The following WWOX variants were observed in gnomAD, a reference collection of about 807,000 sequenced individuals.
WWOX encodes the protein WW domain containing oxidoreductase.
Under a neutral mutation model 46.2 loss-of-function variants are expected in WWOX, and 69 were observed. The ratio of observed to expected loss-of-function variants is 1.49; its 90% CI spans 1.23 to 1.82. WWOX has a LOEUF of 1.82. Among genes scored for constraint, WWOX ranks in the 40% most tolerant of loss-of-function variants. WWOX has a pLI of 0.00. For synonymous variants in WWOX, 359 were observed against 202.6 expected (o/e 1.77, Z -6.56); for missense variants, 919 against 542.6 (o/e 1.69, Z -6.89).
At chr16:78,597,115 G>A (rs910597875) in intron 8 of WWOX, among the ~76,000 whole-genome samples, 2 of 152,156 alleles carry the variant, frequency 1.3e-5, no homozygotes, top group Non-Finnish European at 2.9e-5. Flanking sequence ...TGTGAAAACT[G>A]CTCCTGACCT....
chr16:78,954,591 G>T (rs541512991), intron 8 of WWOX, among the ~76,000 whole-genome samples: 3 of 152,256 alleles, frequency 2.0e-5, no homozygotes, highest in African/African-American at 7.2e-5. Flanking sequence ...AGTGCCAGGG[G>T]CTGGAAACAG....
intron 8 of WWOX, among the ~76,000 whole-genome samples, chr16:78,618,861 C>T (rs570125312): frequency 2.4e-3 from 361 of 151,654 alleles, no homozygotes; most frequent in Non-Finnish European, 4.1e-3. Context: ...AGGCTATACG[C>T]GGACACCTTG....
chr16:78,787,693 T>A (rs185140125), intron 8 of WWOX, among the ~76,000 whole-genome samples: 33 of 152,214 alleles, frequency 2.2e-4, no homozygotes, highest in Admixed American at 5.2e-4. Flanking sequence ...GGGAGTGGCA[T>A]TGCTGGGTAA....
At chr16:78,863,993 A>G (rs969944501) in intron 8 of WWOX, among the ~76,000 whole-genome samples, 4 of 152,050 alleles carry the variant, frequency 2.6e-5, no homozygotes, top group African/African-American at 9.7e-5. Context: ...TTCTCCTTTC[A>G]TCTGTTGATG....
chr16:78,834,645 G>A (rs1050175648), intron 8 of WWOX, among the ~76,000 whole-genome samples: 2 of 152,240 alleles, frequency 1.3e-5, no homozygotes, highest in South Asian at 4.2e-4. Flanking sequence ...AGGAATTCTT[G>A]ATCTTTCTTG....
chr16:78,640,122 G>A (rs1251119587), intron 8 of WWOX, among the ~76,000 whole-genome samples: 1 of 151,574 alleles, frequency 6.6e-6, no homozygotes, highest in Non-Finnish European at 1.5e-5. Context: ...GAGAAGAAAT[G>A]GATCTTCAGG....
chr16:78,969,024 G>C (rs146968576), intron 8 of WWOX, among the ~76,000 whole-genome samples: 1 of 152,214 alleles, frequency 6.6e-6, no homozygotes, highest in African/African-American at 2.4e-5. Context: ...AACCCGGGGA[G>C]TGGCTCAGCT....
At chr16:78,711,960 C>G (rs1337553776) in intron 8 of WWOX, among the ~76,000 whole-genome samples, 1 of 152,184 alleles carries the variant, frequency 6.6e-6, no homozygotes, top group Non-Finnish European at 1.5e-5. Context: ...AGGAGCTTCC[C>G]TCTTGGACAT....
At chr16:78,333,008 C>A (rs536817065) in intron 5 of WWOX, among the ~76,000 whole-genome samples, 1 of 142,600 alleles carries the variant, frequency 7.0e-6, no homozygotes, top group Admixed American at 7.2e-5. Flanking sequence ...AGATTCTTCG[C>A]TTGGGTATTC....
chr16:78,704,103 AGCACG>A (rs1383381440), intron 8 of WWOX, among the ~76,000 whole-genome samples: 1 of 151,450 alleles, frequency 6.6e-6, no homozygotes. Flanking sequence ...TGTTCCACCC[AGCACG>A]TCATGGTGGA....
intron 5 of WWOX, among the ~76,000 whole-genome samples, chr16:78,358,828 T>C (rs1427594759): frequency 6.7e-6 from 1 of 149,366 alleles, no homozygotes; most frequent in Non-Finnish European, 1.5e-5. Context: ...CTTTTTAAAA[T>C]TCAAATATAT....
chr16:78,419,008 C>T (rs1408691363), intron 6 of WWOX, among the ~76,000 whole-genome samples: 1 of 152,110 alleles, frequency 6.6e-6, no homozygotes, highest in East Asian at 1.9e-4. Context: ...AGAAGTAAAA[C>T]TATCTTTATT....
chr16:78,101,579 C>T (rs75570120), intron 1 of WWOX, among the ~76,000 whole-genome samples: 1 of 152,046 alleles, frequency 6.6e-6, no homozygotes, highest in African/African-American at 2.4e-5. Flanking sequence ...CCTCGGCCCC[C>T]CAAAGTGTTG....
intron 8 of WWOX, among the ~76,000 whole-genome samples, chr16:79,032,647 G>A (rs117036228): frequency 0.015 from 2,105 of 142,100 alleles, 24 homozygotes; most frequent in South Asian, 0.053. Context: ...GTAATAGAGC[G>A]TGTATATTAT....
At chr16:79,090,478 G>T (rs964287795) in intron 8 of WWOX, among the ~76,000 whole-genome samples, 2 of 152,138 alleles carry the variant, frequency 1.3e-5, no homozygotes, top group Non-Finnish European at 2.9e-5. Context: ...TGCCCTCAGG[G>T]AGCTTTCATT....
chr16:78,307,708 T>G (rs751722237), intron 5 of WWOX, among the ~76,000 whole-genome samples: 31 of 152,210 alleles, frequency 2.0e-4, no homozygotes, highest in Non-Finnish European at 3.5e-4. Flanking sequence ...GATCAGAAAC[T>G]CATACAAGTA....
chr16:78,840,041 A>T (rs2151167526), intron 8 of WWOX, among the ~76,000 whole-genome samples: 1 of 152,290 alleles, frequency 6.6e-6, no homozygotes, highest in Non-Finnish European at 1.5e-5. Flanking sequence ...TTAACAAATT[A>T]CTGGGTGTTT....
intron 8 of WWOX, among the ~76,000 whole-genome samples, chr16:78,820,325 T>C (rs1196627920): frequency 6.6e-6 from 1 of 152,222 alleles, no homozygotes; most frequent in Non-Finnish European, 1.5e-5. Flanking sequence ...AGACGTTGCA[T>C]GCCCTCCAAC....
At chr16:79,098,735 A>T (rs1031707726) in intron 8 of WWOX, among the ~76,000 whole-genome samples, 1 of 152,226 alleles carries the variant, frequency 6.6e-6, no homozygotes, top group Non-Finnish European at 1.5e-5. Flanking sequence ...GAGGCAGGTA[A>T]TAACCCAGAT....
Sources: gnomAD v4.1 joint callset for allele counts (sites outside exome capture counted in the v4.1 genomes callset) on GRCh38, gnomAD v4.1.1 for gene constraint, MANE v1.5 for transcripts, NCBI Gene and HGNC (gene_info 2026-07-23, HGNC 2026-07-21) for gene names.